The following FOXN3 variants were observed in gnomAD, a reference collection of about 807,000 sequenced individuals.
FOXN3 encodes the protein forkhead box protein N3.
Under a neutral mutation model 38.4 loss-of-function variants are expected in FOXN3, and 7 were observed. The observed-to-expected ratio is 0.18, with a 90% confidence interval of 0.10 to 0.34. FOXN3 has a LOEUF of 0.34. Among genes scored for constraint, FOXN3 ranks in the 10% least tolerant of loss-of-function variants. The probability of loss-of-function intolerance (pLI) is 1.00; values close to 1 mark genes in which losing one functional copy is unlikely to be tolerated. For synonymous variants in FOXN3, 230 were observed against 242.2 expected (o/e 0.95, Z 0.47); for missense variants, 456 against 613.4 (o/e 0.74, Z 2.71).
chr14:89,253,467 G>C (rs1177247106), intron 4 of FOXN3, among the ~76,000 whole-genome samples: 1 of 152,030 alleles, frequency 6.6e-6, no homozygotes, highest in Non-Finnish European at 1.5e-5. Flanking sequence ...AGATCAAACG[G>C]CTCTTTCCCA....
intron 2 of FOXN3, among the ~76,000 whole-genome samples, chr14:89,362,929 G>A (rs535726409): frequency 2.6e-4 from 40 of 152,192 alleles, no homozygotes; most frequent in East Asian, 1.9e-3. Context: ...CCTGAACACC[G>A]CTTGTAAAGA....
chr14:89,275,370 A>T (rs1886268334), intron 4 of FOXN3, among the ~76,000 whole-genome samples: 1 of 152,176 alleles, frequency 6.6e-6, no homozygotes. Flanking sequence ...TTTTGGGGGA[A>T]GTTGCTAGAG....
At chr14:89,430,739 T>G (rs1463812216) in intron 1 of FOXN3, among the ~76,000 whole-genome samples, 1 of 152,254 alleles carries the variant, frequency 6.6e-6, no homozygotes, top group East Asian at 1.9e-4. Flanking sequence ...ACATTATGTA[T>G]TTTTAAACCA....
chr14:89,562,793 A>T (rs1895276483), intron 1 of FOXN3, among the ~76,000 whole-genome samples: 4 of 152,206 alleles, frequency 2.6e-5, no homozygotes. Flanking sequence ...GTATCAAAAG[A>T]AAATGAATTT....
chr14:89,616,614 T>C lies in FOXN3; in HGVS notation c.-15+2414A>G, dbSNP rs145122063. ...TTGAGTTCAACTTTGAACCCTCTTG[T>C]AAACACAAACACCTCATTATAACTT... On this transcript the variant is annotated intron_variant, in intron 1 of 6. Coordinates refer to the FOXN3 transcript ENST00000345097. 1.1e-3 allele frequency among the ~76,000 whole-genome samples: 161 copies of C among 151,860 alleles called. 1 individual carries two copies. Among genetic ancestry groups the C allele is most frequent in the African/African-American group, 3.7e-3 (154 of 41,372 alleles).
At chr14:89,475,750 C>G (rs1231372337) in intron 1 of FOXN3, among the ~76,000 whole-genome samples, 1 of 152,176 alleles carries the variant, frequency 6.6e-6, no homozygotes. Context: ...AAAAGAGCAA[C>G]CAGCAGGCCA....
chr14:89,201,653 C>T (rs116239856), intron 4 of FOXN3, among the ~76,000 whole-genome samples: 491 of 152,314 alleles, frequency 3.2e-3, no homozygotes, highest in African/African-American at 0.011. Flanking sequence ...AGTATAGGGG[C>T]CTGGGCACGG....
At chr14:89,565,974 C>T (rs957261284) in intron 1 of FOXN3, among the ~76,000 whole-genome samples, 1 of 152,210 alleles carries the variant, frequency 6.6e-6, no homozygotes, top group Admixed American at 6.5e-5. Flanking sequence ...ATAAAACCTG[C>T]TGTGTAGCGA....
rs1555417897 is a variant in FOXN3, at chr14:89,323,301, AAAAGAAAGAAAG to A, written c.680+27359_680+27370del. ...AGACTCCATCTCAAAAAAAAAAAAA[AAAAGAAAGAAAG>A]AAAGAAAGAAAGAATGACAGTGGGG... On this transcript the variant is annotated intron_variant, in intron 3 of 5. Coordinates refer to ENST00000557258, the MANE Select transcript of FOXN3 (RefSeq NM_005197.4). 4.6e-4 allele frequency among the ~76,000 whole-genome samples: 66 copies of A among 142,980 alleles called. 1 individual carries two copies. In the South Asian group the frequency reaches 9.1e-3, roughly 20 times the overall value. 93.8% of individuals were successfully genotyped at this position (142,980 alleles called of 152,430 possible).
intron 1 of FOXN3, among the ~76,000 whole-genome samples, chr14:89,554,782 CTTTTTTTT>C (rs34530866): frequency 1.3e-4 from 9 of 68,570 alleles, no homozygotes; most frequent in Admixed American, 8.1e-4. Context: ...ACTAGCATTT[CTTTTTTTT>C]TTTTTTTTTT....
intron 1 of FOXN3, among the ~76,000 whole-genome samples, chr14:89,448,520 T>C (rs1195227248): frequency 2.6e-5 from 4 of 152,180 alleles, no homozygotes; most frequent in African/African-American, 9.7e-5. Flanking sequence ...TCCTCCCCTT[T>C]GCCCACTGCT....
chr14:89,286,821 C>T (rs12432765), intron 3 of FOXN3, among the ~76,000 whole-genome samples: 1,908 of 152,146 alleles, frequency 0.013, 40 homozygotes, highest in African/African-American at 0.044. Flanking sequence ...CACAAAATAC[C>T]ACTCACCGTT....
chr14:89,490,392 C>T (rs1201849489), intron 1 of FOXN3, among the ~76,000 whole-genome samples: 1 of 152,218 alleles, frequency 6.6e-6, no homozygotes, highest in African/African-American at 2.4e-5. Flanking sequence ...GCAGAAAGCA[C>T]CAGCTGATCC....
At chr14:89,390,297 C>CT (rs1183097839) in intron 2 of FOXN3, among the ~76,000 whole-genome samples, 3 of 118,744 alleles carry the variant, frequency 2.5e-5, no homozygotes, top group Admixed American at 2.0e-4. Context: ...TTCTCTTTCT[C>CT]TCTCTCTCTC....
At chr14:89,574,282 T>A (rs369231568) in intron 1 of FOXN3, among the ~76,000 whole-genome samples, 113 of 152,302 alleles carry the variant, frequency 7.4e-4, no homozygotes, top group African/African-American at 2.6e-3. Context: ...GAAAAGTGGA[T>A]GTTTTATAAG....
At chr14:89,341,954 CAA>C (rs1453044612) in intron 3 of FOXN3, among the ~76,000 whole-genome samples, 3 of 152,182 alleles carry the variant, frequency 2.0e-5, no homozygotes, top group Admixed American at 6.5e-5. Context: ...AGCAAATCTG[CAA>C]AGACTCCAGG....
intron 5 of FOXN3, among the ~76,000 whole-genome samples, chr14:89,170,706 A>T (rs1887367150): frequency 1.3e-5 from 2 of 152,270 alleles, no homozygotes; most frequent in African/African-American, 4.8e-5. Context: ...TTGAGAGATA[A>T]CTGAAAACAA....
intron 4 of FOXN3, among the ~76,000 whole-genome samples, chr14:89,235,976 C>T (rs1884968704): frequency 6.6e-6 from 1 of 152,178 alleles, no homozygotes; most frequent in African/African-American, 2.4e-5. Flanking sequence ...AACTGAAGCC[C>T]AGGCAGGTTA....
At chr14:89,232,387 C>G (rs1447033662) in intron 4 of FOXN3, among the ~76,000 whole-genome samples, 1 of 152,156 alleles carries the variant, frequency 6.6e-6, no homozygotes, top group Non-Finnish European at 1.5e-5. Context: ...ATTACTGCCT[C>G]GGCTATTACA....
Sources: allele counts gnomAD v4.1 joint callset (sites outside exome capture counted in the v4.1 genomes callset), GRCh38; gene constraint gnomAD v4.1.1; transcripts MANE v1.5; gene names NCBI Gene and HGNC (gene_info 2026-07-23, HGNC 2026-07-21).